Variants in NRXN1 observed in about 807,000 individuals in gnomAD.
NRXN1 encodes neurexin-1.
NRXN1 carries 39 observed loss-of-function variants against 150.9 expected under a neutral mutation model. The observed-to-expected ratio is 0.26, with a 90% confidence interval of 0.20 to 0.34. NRXN1 has a LOEUF of 0.34. Among genes scored for constraint, NRXN1 ranks in the 10% least tolerant of loss-of-function variants. NRXN1 has a pLI of 1.00. For missense variants in NRXN1, 1,815 were observed against 1,949.9 expected (o/e 0.93, Z 1.30); for synonymous variants, 924 against 757.0 (o/e 1.22, Z -3.62).
intron 17 of NRXN1, among the ~76,000 whole-genome samples, chr2:50,376,078 A>T (rs1260129143): frequency 6.6e-6 from 1 of 151,404 alleles, no homozygotes; most frequent in African/African-American, 2.4e-5. Context: ...CATATTGACT[A>T]TATTGCTGAA....
chr2:50,742,087 A>G (rs890541198), intron 5 of NRXN1, among the ~76,000 whole-genome samples: 9 of 152,208 alleles, frequency 5.9e-5, no homozygotes, highest in African/African-American at 1.9e-4. Context: ...TGAATATTCA[A>G]TCAATCACTT....
chr2:50,890,741 C>T (rs1680922270), intron 5 of NRXN1, among the ~76,000 whole-genome samples: 1 of 151,814 alleles, frequency 6.6e-6, no homozygotes, highest in South Asian at 2.1e-4. Flanking sequence ...CAGAAACCTA[C>T]ACTGAAAAAT....
intron 5 of NRXN1, among the ~76,000 whole-genome samples, chr2:50,773,373 A>G (rs974875093): frequency 6.6e-6 from 1 of 152,208 alleles, no homozygotes; most frequent in African/African-American, 2.4e-5. Flanking sequence ...CAGAAAGAAT[A>G]TAAGAAGTTA....
At chr2:50,578,128 C>T (rs762266724) in intron 8 of NRXN1, among the ~76,000 whole-genome samples, 7 of 152,154 alleles carry the variant, frequency 4.6e-5, no homozygotes, top group South Asian at 4.1e-4. Context: ...GAGGACACAA[C>T]GGCCCTGAAA....
chr2:50,346,939 C>G lies in NRXN1; in HGVS notation c.3365-109969G>C. ...CAGCTCGGCGCCGCACCGGAGCATC[C>G]TCTGGTACATGGCGGGGCGCCCGCC... On this transcript the variant is annotated intron_variant, in intron 17 of 22. Coordinates refer to ENST00000401669, the MANE Select transcript of NRXN1 (RefSeq NM_001330078.2). This position sits in a 1 kb window ranked among gnomAD's most constrained non-coding sequence, Gnocchi z 5.0. The G allele has an allele frequency of 7.3e-7, 1 of 1,363,362 alleles. No homozygotes were observed. The highest frequency in any genetic ancestry group is 1.5e-5 in the South Asian group (1 of 67,304). 84.5% of individuals were successfully genotyped at this position (1,363,362 alleles called of 1,614,324 possible).
chr2:50,024,228 A>G (rs1187599932), intron 21 of NRXN1: 1 of 152,216 alleles, frequency 6.6e-6, no homozygotes, highest in East Asian at 1.9e-4. Context: ...CTGATAGACC[A>G]CGGTGGATGA....
At chr2:50,366,315 G>A (rs1219843587) in intron 17 of NRXN1, among the ~76,000 whole-genome samples, 2 of 151,778 alleles carry the variant, frequency 1.3e-5, no homozygotes, top group African/African-American at 4.8e-5. Context: ...TGAATTACTA[G>A]GTAGTATCTA....
At chr2:50,914,422 GC>G (rs1243681535) in intron 5 of NRXN1, among the ~76,000 whole-genome samples, 1 of 151,632 alleles carries the variant, frequency 6.6e-6, no homozygotes, top group Non-Finnish European at 1.5e-5. Context: ...CTATTCAGAA[GC>G]CAAACTTCCA....
intron 5 of NRXN1, among the ~76,000 whole-genome samples, chr2:50,790,705 GT>G (rs1311769276): frequency 6.6e-6 from 1 of 152,032 alleles, no homozygotes; most frequent in Non-Finnish European, 1.5e-5. Flanking sequence ...CAAATTTTTG[GT>G]TTTTTTGGAT....
chr2:50,243,976 T>C (rs1378292652), intron 17 of NRXN1, among the ~76,000 whole-genome samples: 2 of 151,886 alleles, frequency 1.3e-5, no homozygotes, highest in Non-Finnish European at 2.9e-5. Context: ...CTCTCAAATA[T>C]AATTTCAATA....
intron 17 of NRXN1, among the ~76,000 whole-genome samples, chr2:50,376,043 A>G (rs973055997): frequency 5.7e-5 from 8 of 141,538 alleles, no homozygotes; most frequent in African/African-American, 1.5e-4. Flanking sequence ...ATACATATAT[A>G]TATACACACA....
intron 2 of NRXN1, among the ~76,000 whole-genome samples, chr2:50,959,073 G>A (rs544222527): frequency 6.6e-6 from 1 of 152,118 alleles, no homozygotes; most frequent in Non-Finnish European, 1.5e-5. Context: ...TAACTTTGAT[G>A]TCAGTATAAT....
At chr2:50,176,954 A>G (rs2060389524) in intron 18 of NRXN1, among the ~76,000 whole-genome samples, 1 of 152,152 alleles carries the variant, frequency 6.6e-6, no homozygotes, top group African/African-American at 2.4e-5. Context: ...GGAAGAGTAA[A>G]CCGAGTTTCT....
In NRXN1 at chr2:50,552,578, T is replaced by C; in HGVS notation, c.1759+9A>G. On this transcript the variant is annotated intron_variant, in intron 9 of 22. Transcript: ENST00000401669. ...GCAGATAAACAGCATAGAAAAATGA[T>C]AAGATTACCTGACCGTCCGTCTCTC... The C allele has an allele frequency of 6.2e-7, 1 of 1,601,784 alleles. No homozygotes were observed.
chr2:50,140,054 G>A (rs1707042951), intron 18 of NRXN1, among the ~76,000 whole-genome samples: 1 of 151,884 alleles, frequency 6.6e-6, no homozygotes, highest in Non-Finnish European at 1.5e-5. Flanking sequence ...TGAATTATAA[G>A]GATAGCCATT....
chr2:50,891,020 G>T (rs1680970316), intron 5 of NRXN1, among the ~76,000 whole-genome samples: 1 of 151,850 alleles, frequency 6.6e-6, no homozygotes, highest in African/African-American at 2.4e-5. Flanking sequence ...GTTTATACAT[G>T]GTCAATATTT....
chr2:50,867,112 T>G (rs74881225), intron 5 of NRXN1, among the ~76,000 whole-genome samples: 11,199 of 152,016 alleles, frequency 0.074, 487 homozygotes, highest in Middle Eastern at 0.13. Flanking sequence ...TGAACTTTCT[T>G]AGGACATCTC....
intron 5 of NRXN1, among the ~76,000 whole-genome samples, chr2:50,702,828 T>G (rs1376454043): frequency 6.6e-6 from 1 of 152,122 alleles, no homozygotes; most frequent in South Asian, 2.1e-4. Flanking sequence ...TTGTCACTGT[T>G]ATAATTATTT....
At chr2:50,101,075 A>C (rs1434121339) in intron 18 of NRXN1, among the ~76,000 whole-genome samples, 1 of 152,100 alleles carries the variant, frequency 6.6e-6, no homozygotes, top group East Asian at 1.9e-4. Flanking sequence ...TGAGCTGATC[A>C]GATGTGTATT....
Sources: allele counts gnomAD v4.1 joint callset (sites outside exome capture counted in the v4.1 genomes callset), GRCh38; gene constraint gnomAD v4.1.1; non-coding constraint Gnocchi (gnomAD v3.1); transcripts MANE v1.5; gene names NCBI Gene and HGNC (gene_info 2026-07-23, HGNC 2026-07-21).